The following RP1 variants were observed in gnomAD, a reference collection of about 807,000 sequenced individuals.
The protein encoded by RP1 is oxygen-regulated protein 1.
In RP1, 16 loss-of-function variants were observed where a neutral mutation model predicts 14.8. That is an observed-to-expected ratio of 1.08 (90% confidence interval 0.73 to 1.65). The LOEUF is 1.65. Among genes scored for constraint, RP1 ranks in the 40% most tolerant of loss-of-function variants. The pLI, the probability that RP1 is intolerant of heterozygous loss-of-function variation, is 0.00. For missense variants in RP1, 2,631 were observed against 2,535.0 expected, an observed-to-expected ratio of 1.04 and a Z score of -0.81; for synonymous variants, 876 against 883.6, an observed-to-expected ratio of 0.99 and a Z score of 0.15.
At chr8:54,720,473 C>T (rs1434037832) in intron 16 of RP1, among the ~76,000 whole-genome samples, 1 of 152,078 alleles carries the variant, frequency 6.6e-6, no homozygotes, top group Admixed American at 6.5e-5. Context: ...AGACCAGTTG[C>T]CTCAAGTTTT....
chr8:54,726,320 G>A lies in RP1; in HGVS notation c.2390-25G>A, dbSNP rs762250684. On this transcript the variant is annotated intron_variant, in intron 16 of 22. Transcript: ENST00000636932. ...AGAAACAAGTGATTTTGAAAGGATGGCATCTTTTAAAATCTTAATTTCAGT... is the reference window on the plus strand; with the variant it reads ...AGAAACAAGTGATTTTGAAAGGATGACATCTTTTAAAATCTTAATTTCAGT... The A allele has an allele frequency of 1.3e-5, 20 of 1,510,120 alleles. No homozygotes were observed. The African/African-American group carries it at 2.2e-4, about 17-fold the overall frequency. 93.5% of individuals were successfully genotyped at this position (1,510,120 alleles called of 1,614,324 possible).
Position 54,674,890 on chromosome 8 carries a change from AT to A in RP1, c.1402+966del, listed in dbSNP as rs1807260821. Among the ~76,000 whole-genome samples, 9 of 152,270 alleles carry A rather than the reference AT, an allele frequency of 5.9e-5. No individual in the cohort carries two copies. The South Asian group carries it at 1.7e-3, about 28-fold the overall frequency. On this transcript the variant is annotated intron_variant, in intron 8 of 22. Transcript: ENST00000636932. ...ATTATTTTCTGTCAGTTGATAGCTA[AT>A]TTTACAGAGTCTAGGCCTGAATCCA...
At chr8:54,815,855 A>G (rs1164498250) in intron 24 of RP1, among the ~76,000 whole-genome samples, 1 of 152,246 alleles carries the variant, frequency 6.6e-6, no homozygotes, top group Non-Finnish European at 1.5e-5. Context: ...AGTAATTATT[A>G]TAATGGGGAT....
chr8:54,691,943 T>G (rs916998341), intron 12 of RP1, among the ~76,000 whole-genome samples: 10 of 152,078 alleles, frequency 6.6e-5, no homozygotes, highest in African/African-American at 2.4e-4. Context: ...ATTAGGTATA[T>G]CTCCTAATGC....
intron 23 of RP1, among the ~76,000 whole-genome samples, chr8:54,779,947 G>T (rs1382355589): frequency 1.3e-5 from 2 of 152,196 alleles, no homozygotes; most frequent in Non-Finnish European, 2.9e-5. Flanking sequence ...CTCAGTGGCT[G>T]AAAACAATAA....
downstream of RP1, among the ~76,000 whole-genome samples, chr8:54,770,965 C>G (rs1273378648): frequency 6.6e-6 from 1 of 151,950 alleles, no homozygotes; most frequent in Non-Finnish European, 1.5e-5. Flanking sequence ...TACCACATCT[C>G]TATGTTTTCA....
chr8:54,590,306 C>A (rs1437075765), intron 1 of RP1, among the ~76,000 whole-genome samples: 1 of 152,136 alleles, frequency 6.6e-6, no homozygotes, highest in Non-Finnish European at 1.5e-5. Flanking sequence ...AACATTCCAG[C>A]AAAGAGCCGC....
intron 24 of RP1, among the ~76,000 whole-genome samples, chr8:54,818,179 T>C (rs1257698909): frequency 1.3e-5 from 2 of 152,254 alleles, no homozygotes; most frequent in African/African-American, 4.8e-5. Context: ...TGAATTTGAC[T>C]GACAGTTTTA....
At chr8:54,680,919 C>T (rs175835) in intron 12 of RP1, among the ~76,000 whole-genome samples, 1 of 150,980 alleles carries the variant, frequency 6.6e-6, no homozygotes, top group Non-Finnish European at 1.5e-5. Context: ...GATAGAGCCA[C>T]TGCACACCAA....
chr8:54,657,727 A>G (rs1313396807), intron 6 of RP1, among the ~76,000 whole-genome samples: 1 of 152,170 alleles, frequency 6.6e-6, no homozygotes, highest in African/African-American at 2.4e-5. Flanking sequence ...GTTATTCACC[A>G]TTTAAGACAA....
At chr8:54,842,548 T>G (rs1467910333) in intron 25 of RP1, among the ~76,000 whole-genome samples, 1 of 152,082 alleles carries the variant, frequency 6.6e-6, no homozygotes, top group Non-Finnish European at 1.5e-5. Context: ...TACACTAAAT[T>G]CATTCCTTCC....
chr8:54,611,481 T>G (rs1805589871), upstream of RP1, among the ~76,000 whole-genome samples: 4 of 152,216 alleles, frequency 2.6e-5, no homozygotes, highest in Admixed American at 6.5e-5. Context: ...GTTTTTGAAC[T>G]GCTCTTGTGA....
chr8:54,800,348 GTA>G (rs1810675745), intron 24 of RP1, among the ~76,000 whole-genome samples: 1 of 151,764 alleles, frequency 6.6e-6, no homozygotes, highest in Non-Finnish European at 1.5e-5. Context: ...GTGTGTGTGT[GTA>G]TTAGTATTTA....
At chr8:54,766,399 C>G (rs1008534785) in intron 22 of RP1, among the ~76,000 whole-genome samples, 2 of 151,876 alleles carry the variant, frequency 1.3e-5, no homozygotes, top group African/African-American at 4.8e-5. Flanking sequence ...TTAATCATTT[C>G]TTGCTATTCT....
At chr8:54,846,488 A>G (rs867146186) in intron 25 of RP1, among the ~76,000 whole-genome samples, 12 of 152,234 alleles carry the variant, frequency 7.9e-5, no homozygotes, top group African/African-American at 2.4e-4. Flanking sequence ...GACTGTATGC[A>G]TTTGGTAACA....
chr8:54,572,270 G>A (rs1429556631), intron 1 of RP1, among the ~76,000 whole-genome samples: 2 of 152,224 alleles, frequency 1.3e-5, no homozygotes, highest in Non-Finnish European at 2.9e-5. Context: ...TCAGCTGACC[G>A]GCATCAGGCC....
At chr8:54,675,662 A>AG (rs1435925611) in intron 8 of RP1, among the ~76,000 whole-genome samples, 1 of 152,206 alleles carries the variant, frequency 6.6e-6, no homozygotes, top group African/African-American at 2.4e-5. Flanking sequence ...GTAAAAAAAA[A>AG]TTAGTCATTT....
chr8:54,851,453 T>G (rs1227607815), intron 25 of RP1, among the ~76,000 whole-genome samples: 3 of 152,242 alleles, frequency 2.0e-5, no homozygotes, highest in Admixed American at 2.0e-4. Context: ...TATGTGAAGA[T>G]GTCAAATCAT....
chr8:54,607,690 AC>A (rs1290685145), intron 1 of RP1, among the ~76,000 whole-genome samples: 1 of 152,088 alleles, frequency 6.6e-6, no homozygotes, highest in Non-Finnish European at 1.5e-5. Context: ...GGTGGGCTTC[AC>A]CCAGTTTGAG....
Sources: allele counts gnomAD v4.1 joint callset (sites outside exome capture counted in the v4.1 genomes callset), GRCh38; gene constraint gnomAD v4.1.1; transcripts MANE v1.5; gene names NCBI Gene and HGNC (gene_info 2026-07-23, HGNC 2026-07-21).